The following TRAPPC12 variants were observed in gnomAD, a reference collection of about 807,000 sequenced individuals.
TRAPPC12 encodes the protein trafficking protein particle complex subunit 12.
A neutral mutation model predicts 69.2 loss-of-function variants in TRAPPC12; 61 were observed. The ratio of observed to expected loss-of-function variants is 0.88; its 90% CI spans 0.72 to 1.09. The LOEUF (loss-of-function observed/expected upper bound fraction) is 1.09. Ranked by LOEUF, TRAPPC12 falls within the 50% of genes least tolerant of loss-of-function variation. The pLI is 0.00. For synonymous variants in TRAPPC12, 469 were observed against 438.9 expected, an observed-to-expected ratio of 1.07 and a Z score of -0.86; for missense variants, 1,101 against 1,016.4, an observed-to-expected ratio of 1.08 and a Z score of -1.13.
chr2:3,471,947 T>C (rs1181711383), intron 9 of TRAPPC12, among the ~76,000 whole-genome samples: 1 of 151,930 alleles, frequency 6.6e-6, no homozygotes, highest in Non-Finnish European at 1.5e-5. Context: ...GAGCGCAGGG[T>C]GGTTCTGCAG....
intron 9 of TRAPPC12, among the ~76,000 whole-genome samples, chr2:3,471,346 G>T (rs1666050528): frequency 6.6e-6 from 1 of 152,118 alleles, no homozygotes; most frequent in South Asian, 2.1e-4. Flanking sequence ...ATATAAGGGA[G>T]GATCCATCTC....
At chr2:3,457,742 C>T (rs368310333) in intron 7 of TRAPPC12, 49 bp downstream of exon 7, 2 of 1,600,918 alleles carry the variant, frequency 1.2e-6, no homozygotes, top group African/African-American at 1.3e-5. Context: ...ACATCACTGA[C>T]AGACTGAGCC....
chr2:3,393,252 A>G (rs1354666399), intron 2 of TRAPPC12, among the ~76,000 whole-genome samples: 1 of 152,074 alleles, frequency 6.6e-6, no homozygotes, highest in Non-Finnish European at 1.5e-5. Flanking sequence ...AATAAGCCAG[A>G]CACAAAATGA....
intron 5 of TRAPPC12, among the ~76,000 whole-genome samples, chr2:3,426,421 C>T (rs1663105444): frequency 6.6e-6 from 1 of 152,234 alleles, no homozygotes; most frequent in South Asian, 2.1e-4. Flanking sequence ...ACACTTCCTG[C>T]CCACCCACTG....
At chr2:3,476,188 T>C (rs10188054) in intron 9 of TRAPPC12, among the ~76,000 whole-genome samples, 21,880 of 152,170 alleles carry the variant, frequency 0.14, 1,854 homozygotes, top group African/African-American at 0.22. Flanking sequence ...TTTTTCTTCC[T>C]CCTCGTATGG....
At chr2:3,400,527 T>A (rs149608554) in intron 2 of TRAPPC12, among the ~76,000 whole-genome samples, 193 of 152,252 alleles carry the variant, frequency 1.3e-3, no homozygotes, top group African/African-American at 3.5e-3. Flanking sequence ...CCAGGTGCCT[T>A]TCCTCAGTCA....
intron 9 of TRAPPC12, among the ~76,000 whole-genome samples, chr2:3,477,326 C>T (rs1666337433): frequency 6.6e-6 from 1 of 152,222 alleles, no homozygotes; most frequent in Non-Finnish European, 1.5e-5. Flanking sequence ...CATAAGTTGA[C>T]GTAGGACCTG....
At chr2:3,383,502 G>C (rs919016070) in intron 1 of TRAPPC12, among the ~76,000 whole-genome samples, 1 of 150,106 alleles carries the variant, frequency 6.7e-6, no homozygotes, top group Admixed American at 6.7e-5. Flanking sequence ...GGGTTCAAGC[G>C]ATTCTCCTGC....
chr2:3,449,658 G>A (rs1355880917), intron 6 of TRAPPC12, among the ~76,000 whole-genome samples: 1 of 152,160 alleles, frequency 6.6e-6, no homozygotes, highest in Non-Finnish European at 1.5e-5. Context: ...TGTCTTATTT[G>A]TTAAGCAAAG....
intron 9 of TRAPPC12, chr2:3,467,633 AG>A (rs1665875607): frequency 6.6e-6 from 1 of 152,320 alleles, no homozygotes; most frequent in South Asian, 2.1e-4. Context: ...AGGATGAAGC[AG>A]GCAGGTTTTG....
At chr2:3,409,891 G>A (rs1381542562) in intron 3 of TRAPPC12, among the ~76,000 whole-genome samples, 1 of 151,560 alleles carries the variant, frequency 6.6e-6, no homozygotes, top group Non-Finnish European at 1.5e-5. Context: ...GCCCTGAATT[G>A]CAGTGGGGGC....
At chr2:3,446,324 T>C (rs754654195) in intron 6 of TRAPPC12, among the ~76,000 whole-genome samples, 3 of 152,232 alleles carry the variant, frequency 2.0e-5, no homozygotes, top group Non-Finnish European at 2.9e-5. Flanking sequence ...TGAAAAGGTG[T>C]GTGTTGGTCT....
chr2:3,448,977 A>G (rs1664706749), intron 6 of TRAPPC12, among the ~76,000 whole-genome samples: 1 of 152,232 alleles, frequency 6.6e-6, no homozygotes, highest in Admixed American at 6.5e-5. Flanking sequence ...GCCCAGTTTT[A>G]GCAGGACATC....
chr2:3,427,710 G>A (rs930717965), intron 5 of TRAPPC12, among the ~76,000 whole-genome samples: 4 of 152,128 alleles, frequency 2.6e-5, no homozygotes, highest in African/African-American at 9.7e-5. Context: ...GGCCAACATG[G>A]CAAAACCCCC....
intron 9 of TRAPPC12, among the ~76,000 whole-genome samples, chr2:3,468,337 G>A (rs1178528184): frequency 1.3e-5 from 2 of 152,052 alleles, no homozygotes; most frequent in East Asian, 3.9e-4. Context: ...CAGGAGCTGG[G>A]GTTTGGAACA....
At position 3,387,811 on chromosome 2, in the gene TRAPPC12, A is replaced by G. The variant is rs1275994888; in HGVS notation, c.188A>G (p.Asn63Ser). ...TCGAGTCCTCTCGCGGACAAGCTGA[A>G]CGAACACATGATGGAGAGCGTCCTC... Reference protein sequence around the residue: ...EGSSPLADKLNEHMMESVLIS... With the variant: ...EGSSPLADKLSEHMMESVLIS... Residue 63 changes from asparagine (N) to serine (S), a missense_variant, in exon 2 of 12, where the codon AAC becomes AGC. Transcript: ENST00000324266. The G allele has an allele frequency of 2.5e-6, 4 of 1,613,364 alleles. No homozygotes were observed. The highest frequency in any genetic ancestry group is 2.2e-5 in the East Asian group (1 of 44,850).
intron 8 of TRAPPC12, among the ~76,000 whole-genome samples, chr2:3,463,358 G>C (rs967489214): frequency 6.6e-6 from 1 of 151,686 alleles, no homozygotes; most frequent in African/African-American, 2.4e-5. Flanking sequence ...ACTGGCGAGC[G>C]CTACTGTTGC....
In TRAPPC12 at chr2:3,388,659, G is replaced by C. The variant is rs751131504; in HGVS notation, c.1036G>C (p.Asp346His). The change falls in exon 2 of 12, where the codon GAC (aspartate) becomes CAC (histidine). Residue 346 changes from aspartate to histidine, a missense_variant. Transcript: ENST00000324266. ...CCTCACCATGCCGGGCCTCAGGTTCGACAACATCCAGGTGAGCCCGGGTCT... is the reference window on the plus strand; with the variant it reads ...CCTCACCATGCCGGGCCTCAGGTTCCACAACATCCAGGTGAGCCCGGGTCT... ...ENLTMPGLRF[D>H]NIQGDAVKDL... The C allele has an allele frequency of 6.4e-7, 1 of 1,560,578 alleles. No individual in the cohort carries two copies. Among genetic ancestry groups the C allele is most frequent in the Non-Finnish European group, 8.7e-7 (1 of 1,150,766 alleles).
At position 3,388,406 on chromosome 2, in the gene TRAPPC12, A is replaced by T; in HGVS notation, c.783A>T (p.Glu261Asp). ...LAVPGTEGRP[E>D]PVAMRGPQAA... ...TGCCCGGGACCGAGGGGCGCCCCGA[A>T]CCCGTGGCCATGCGAGGGCCCCAGG... Residue 261 changes from glutamate (E) to aspartate (D), a missense_variant, in exon 2 of 12, where the codon GAA (glutamate) becomes GAT (aspartate). Glu to Asp is a conservative substitution (Grantham distance 45). Transcript: ENST00000324266. 6.2e-7 allele frequency: 1 copy of T among 1,603,826 alleles called. No individual in the cohort carries two copies. The highest frequency in any genetic ancestry group is 8.5e-7 in the Non-Finnish European group (1 of 1,175,338).
Sources: gnomAD v4.1 joint callset for allele counts (sites outside exome capture counted in the v4.1 genomes callset) on GRCh38, gnomAD v4.1.1 for gene constraint, MANE v1.5 for transcripts, NCBI Gene and HGNC (gene_info 2026-07-23, HGNC 2026-07-21) for gene names.